CNTNAP2: variants seen among roughly 807,000 people sequenced by gnomAD.
The protein encoded by CNTNAP2 is contactin-associated protein-like 2.
CNTNAP2 carries 98 observed loss-of-function variants against 155.2 expected under a neutral mutation model. That is an observed-to-expected ratio of 0.63 (90% CI 0.54 to 0.75). The LOEUF is 0.75. CNTNAP2 is among the 30% of genes least tolerant of loss of function. CNTNAP2 has a pLI of 0.00. For missense variants in CNTNAP2, 1,727 were observed against 1,688.1 expected (o/e 1.02, Z -0.40); for synonymous variants, 651 against 631.2 (o/e 1.03, Z -0.47).
intron 5 of CNTNAP2, 127 bp from the exon 6 acceptor site, chr7:147,120,852 G>A: frequency 1.2e-6 from 1 of 866,148 alleles, no homozygotes; most frequent in Non-Finnish European, 1.9e-6. Flanking sequence ...GGTATCCCAG[G>A]TTAACTCGAA....
At chr7:146,226,972 T>G (rs1026154964) in intron 1 of CNTNAP2, among the ~76,000 whole-genome samples, 3 of 152,198 alleles carry the variant, frequency 2.0e-5, no homozygotes, top group Admixed American at 6.5e-5. Flanking sequence ...GACTCTCAAA[T>G]ATTCTTATGA....
intron 23 of CNTNAP2, among the ~76,000 whole-genome samples, chr7:148,411,851 A>ATGTGTG (rs148431158): frequency 1.4e-5 from 2 of 147,804 alleles, no homozygotes; most frequent in African/African-American, 2.5e-5. Flanking sequence ...CAACTGACAT[A>ATGTGTG]TGTGTGTGTG....
chr7:147,890,928 G>A (rs1027032082), intron 13 of CNTNAP2, among the ~76,000 whole-genome samples: 3 of 152,144 alleles, frequency 2.0e-5, no homozygotes, highest in Non-Finnish European at 4.4e-5. Flanking sequence ...TTTGAATATT[G>A]CTGAGAGTAC....
chr7:146,242,457 T>G (rs916802432), intron 1 of CNTNAP2, among the ~76,000 whole-genome samples: 1 of 151,518 alleles, frequency 6.6e-6, no homozygotes, highest in Non-Finnish European at 1.5e-5. Flanking sequence ...GGGAATCGCT[T>G]GAACCCAGGA....
intron 2 of CNTNAP2, among the ~76,000 whole-genome samples, chr7:146,821,385 G>T (rs1386856602): frequency 5.3e-4 from 81 of 151,988 alleles, no homozygotes; most frequent in Non-Finnish European, 8.1e-4. Flanking sequence ...CTCAGCATTT[G>T]CTTGTCTGTA....
At chr7:147,354,488 G>T (rs1796027684) in intron 9 of CNTNAP2, among the ~76,000 whole-genome samples, 1 of 151,988 alleles carries the variant, frequency 6.6e-6, no homozygotes, top group African/African-American at 2.4e-5. Flanking sequence ...CTGTTCTATT[G>T]GTCTATATCT....
intron 12 of CNTNAP2, among the ~76,000 whole-genome samples, chr7:147,595,479 T>C (rs1800811178): frequency 6.6e-6 from 1 of 152,228 alleles, no homozygotes; most frequent in African/African-American, 2.4e-5. Context: ...TGAAAAAGTT[T>C]CAGAATTTTT....
chr7:147,231,241 C>T (rs1180911824), intron 8 of CNTNAP2, among the ~76,000 whole-genome samples: 2 of 152,208 alleles, frequency 1.3e-5, no homozygotes, highest in Non-Finnish European at 2.9e-5. Flanking sequence ...CAGTTTCATC[C>T]ATGTTGTCAC....
intron 1 of CNTNAP2, among the ~76,000 whole-genome samples, chr7:146,666,350 T>C (rs538853550): frequency 6.6e-6 from 1 of 152,222 alleles, no homozygotes; most frequent in Non-Finnish European, 1.5e-5. Flanking sequence ...TATGGCTAAA[T>C]AGTATTCTGT....
intron 3 of CNTNAP2, among the ~76,000 whole-genome samples, chr7:146,907,130 C>T (rs1235658771): frequency 6.6e-6 from 1 of 152,032 alleles, no homozygotes; most frequent in Non-Finnish European, 1.5e-5. Flanking sequence ...TGAGCAAAGC[C>T]TCCAAGAAAT....
chr7:147,415,590 T>C (rs1233550390), intron 10 of CNTNAP2, among the ~76,000 whole-genome samples: 1 of 152,232 alleles, frequency 6.6e-6, no homozygotes, highest in Admixed American at 6.5e-5. Flanking sequence ...GAGGTCTCCC[T>C]AGCCATGCTG....
chr7:146,595,142 A>C (rs980200092), intron 1 of CNTNAP2, among the ~76,000 whole-genome samples: 2 of 152,102 alleles, frequency 1.3e-5, no homozygotes, highest in African/African-American at 4.8e-5. Context: ...CAGCATATTC[A>C]GATTATATAA....
intron 3 of CNTNAP2, among the ~76,000 whole-genome samples, chr7:146,989,931 T>C (rs1321324005): frequency 6.7e-6 from 1 of 148,988 alleles, no homozygotes; most frequent in Non-Finnish European, 1.5e-5. Flanking sequence ...TTTTTTTTTT[T>C]ACATTTAACA....
At chr7:146,464,122 C>T (rs1376653196) in intron 1 of CNTNAP2, among the ~76,000 whole-genome samples, 2 of 149,648 alleles carry the variant, frequency 1.3e-5, no homozygotes, top group Non-Finnish European at 3.0e-5. Flanking sequence ...CCACAAAAAA[C>T]AGTTCGTTAA....
At chr7:146,537,424 T>G (rs971772401) in intron 1 of CNTNAP2, among the ~76,000 whole-genome samples, 9 of 152,130 alleles carry the variant, frequency 5.9e-5, no homozygotes, top group Admixed American at 3.9e-4. Context: ...TTACTAAGTT[T>G]GTATCAATGT....
chr7:147,376,117 G>T (rs767869018), intron 9 of CNTNAP2, among the ~76,000 whole-genome samples: 1 of 151,994 alleles, frequency 6.6e-6, no homozygotes, highest in Non-Finnish European at 1.5e-5. Context: ...ATTAAAAGTT[G>T]CATCTGTTAA....
In CNTNAP2 at chr7:148,172,418, T is replaced by C. The variant is rs1173874736; in HGVS notation, c.2950T>C (p.Tyr984His). ...AAATGGAGGCAAATGCCTAGAGAGA[T>C]ACCACGGTTACTCCTGCGATTGCTC... The part of the protein sequence containing the change: ...CENGGKCLER[Y>H]HGYSCDCSNT... The change falls in exon 18 of 24, where the codon TAC becomes CAC. Residue 984 changes from tyrosine (Y) to histidine (H), a missense_variant. Transcript: ENST00000361727. The C allele has an allele frequency of 6.2e-7, 1 of 1,614,150 alleles. No individual in the cohort carries two copies. Among genetic ancestry groups the C allele is most frequent in the Admixed American group, 1.7e-5 (1 of 60,010 alleles).
chr7:146,439,627 A>C (rs1373190890), intron 1 of CNTNAP2, among the ~76,000 whole-genome samples: 2 of 151,584 alleles, frequency 1.3e-5, no homozygotes, highest in African/African-American at 4.9e-5. Flanking sequence ...TTCATATTTG[A>C]AGTTTAATTT....
chr7:147,534,561 C>T (rs1376599798), intron 11 of CNTNAP2, among the ~76,000 whole-genome samples: 5 of 152,024 alleles, frequency 3.3e-5, no homozygotes, highest in Non-Finnish European at 7.4e-5. Context: ...ACACCTTGGA[C>T]GGTTCCCAAG....
Sources: gnomAD v4.1 joint callset for allele counts (sites outside exome capture counted in the v4.1 genomes callset) on GRCh38, gnomAD v4.1.1 for gene constraint, MANE v1.5 for transcripts, NCBI Gene and HGNC (gene_info 2026-07-23, HGNC 2026-07-21) for gene names.